PABIR2: variants seen among roughly 807,000 people sequenced by gnomAD.
PABIR2 encodes family with sequence similarity 122B.
In PABIR2, 7 loss-of-function variants were observed where a neutral mutation model predicts 22.8. That is an observed-to-expected ratio of 0.31 (90% CI 0.17 to 0.58). PABIR2 has a LOEUF of 0.58. PABIR2 is among the 20% of genes least tolerant of loss of function. The pLI, the probability that PABIR2 is intolerant of heterozygous loss-of-function variation, is 0.89. For missense variants in PABIR2, 155 were observed against 205.1 expected (o/e 0.76, Z 1.49); for synonymous variants, 67 against 73.8 (o/e 0.91, Z 0.47).
intron 5 of PABIR2, 49 bp downstream of exon 5, chrX:134,789,036 A>C: frequency 8.3e-7 from 1 of 1,204,506 alleles, no homozygotes. Context: ...AGTGAACAAC[A>C]TAAAAGTTTC....
rs760157309 is a variant in PABIR2 at position 134,771,095 on chromosome X, C to T, written c.*1044G>A. ...AACAAATCCAATGACAAAAAGGAAT[C>T]GGAAAAAAAGCAGCAACAGAAACAG... On this transcript the variant is annotated 3_prime_UTR_variant, in exon 10 of 10. Transcript: ENST00000343004. 6.5e-5 allele frequency: 21 copies of T among 322,288 alleles called. No individual in the cohort carries two copies. Among genetic ancestry groups the T allele is most frequent in the Non-Finnish European group, 1.1e-4 (20 of 189,565 alleles). 26.6% of individuals were successfully genotyped at this position (322,288 alleles called of 1,213,427 possible).
At chrX:134,772,499 C>T (rs768578539) in intron 9 of PABIR2, among the ~76,000 whole-genome samples, 9 of 111,538 alleles carry the variant, frequency 8.1e-5, no homozygotes, top group Non-Finnish European at 1.3e-4. Context: ...TGATTGTCCC[C>T]CCTAGAGGCA....
Position 134,771,159 on chromosome X carries a change from T to C in PABIR2, c.*980A>G. 1 of 495,992 alleles carries C rather than the reference T, an allele frequency of 2.0e-6. No individual in the cohort carries two copies. The highest frequency in any genetic ancestry group is 3.0e-6 in the Non-Finnish European group (1 of 337,048). 40.9% of individuals were successfully genotyped at this position (495,992 alleles called of 1,213,427 possible). On this transcript the variant is annotated 3_prime_UTR_variant, in exon 10 of 10. Transcript: ENST00000343004. ...TTCACATAAGGCCCCTCTTCCACCA[T>C]ACCTTATGATATACATCCCTTATAG...
chrX:134,790,645 T>C (rs1462140182), intron 2 of PABIR2, among the ~76,000 whole-genome samples: 3 of 112,412 alleles, frequency 2.7e-5, no homozygotes, highest in Non-Finnish European at 3.8e-5. Flanking sequence ...GTTCAAGTGA[T>C]TCCCCTGCCT....
chrX:134,788,478 C>T (rs907123124), intron 6 of PABIR2, among the ~76,000 whole-genome samples: 6 of 102,601 alleles, frequency 5.8e-5, no homozygotes, highest in Non-Finnish European at 1.2e-4. Flanking sequence ...GTTATATATA[C>T]GTTATATATG....
At chrX:134,785,336 T>C (rs759718884) in intron 8 of PABIR2, among the ~76,000 whole-genome samples, 2 of 111,819 alleles carry the variant, frequency 1.8e-5, no homozygotes, top group African/African-American at 3.2e-5. Flanking sequence ...CTTTTTCTTT[T>C]TCCCCCCAGC....
chrX:134,786,308 G>A (rs2079312236), intron 7 of PABIR2, among the ~76,000 whole-genome samples: 1 of 111,296 alleles, frequency 9.0e-6, no homozygotes, highest in Non-Finnish European at 1.9e-5. Flanking sequence ...TCTGAGGTCA[G>A]GAGTTCGAGA....
intron 2 of PABIR2, chrX:134,791,803 C>T: frequency 3.9e-6 from 1 of 259,397 alleles, no homozygotes; most frequent in African/African-American, 2.8e-5. Context: ...AGTGAGAATA[C>T]TGCTTTGAAG....
At chrX:134,775,334 C>T (rs1186377356) in intron 9 of PABIR2, among the ~76,000 whole-genome samples, 1 of 109,292 alleles carries the variant, frequency 9.1e-6, no homozygotes, top group South Asian at 3.9e-4. Flanking sequence ...ATCGAGACCA[C>T]GGCGAAACCC....
At chrX:134,793,688 C>G in intron 2 of PABIR2, 127 bp downstream of exon 2, 1 of 867,579 alleles carries the variant, frequency 1.2e-6, no homozygotes. Flanking sequence ...AAGCAGTAAA[C>G]AACATAGGTA....
At chrX:134,791,192 G>A (rs2079538435) in intron 2 of PABIR2, among the ~76,000 whole-genome samples, 1 of 110,003 alleles carries the variant, frequency 9.1e-6, no homozygotes, top group Non-Finnish European at 1.9e-5. Flanking sequence ...AGGGCAATGT[G>A]TCGGCTTAAA....
intron 7 of PABIR2, 29 bp from the exon 8 acceptor site, chrX:134,785,979 T>G (rs779332714): frequency 1.7e-6 from 2 of 1,182,158 alleles, no homozygotes; most frequent in Non-Finnish European, 2.3e-6. Flanking sequence ...CAGGATAATG[T>G]GAAGAACATC....
chrX:134,786,434 C>A (rs2079317512), intron 7 of PABIR2, among the ~76,000 whole-genome samples: 1 of 110,989 alleles, frequency 9.0e-6, no homozygotes, highest in South Asian at 3.8e-4. Context: ...AGGAGAATCA[C>A]TTGAACCCGG....
chrX:134,785,955 G>C lies in PABIR2; in HGVS notation c.498-5C>G. On this transcript the variant is annotated splice_polypyrimidine_tract_variant and splice_region_variant and intron_variant, in intron 7 of 9. Coordinates refer to ENST00000343004, the MANE Select transcript of PABIR2 (RefSeq NM_001387468.1). The stretch of plus-strand genomic sequence containing the variant: ...ACTGGACTCTGACTTCTCCTGCTTT[G>C]ATGAAAAAACAAACAGGATAATGTG... 1 of 1,208,041 alleles carries C rather than the reference G, an allele frequency of 8.3e-7. No individual in the cohort carries two copies. Among genetic ancestry groups the C allele is most frequent in the Non-Finnish European group, 1.1e-6 (1 of 892,683 alleles).
chrX:134,777,332 G>A (rs1318650618), intron 9 of PABIR2, among the ~76,000 whole-genome samples: 1 of 111,189 alleles, frequency 9.0e-6, no homozygotes, highest in East Asian at 2.8e-4. Context: ...TTCAAGACCG[G>A]CCTGGGCAAC....
chrX:134,779,365 G>A (rs1208718751), intron 9 of PABIR2, among the ~76,000 whole-genome samples: 1 of 111,502 alleles, frequency 9.0e-6, no homozygotes, highest in East Asian at 2.9e-4. Context: ...GGCGGAGGTT[G>A]CAGTGAGTCG....
rs2355301 is a variant in PABIR2 at position 134,792,689 on chromosome X, T to C, written c.177+1126A>G. 5.2e-3 allele frequency among the ~76,000 whole-genome samples: 586 copies of C among 112,555 alleles called. 3 individuals carry two copies. Among genetic ancestry groups the C allele is most frequent in the Non-Finnish European group, 8.4e-3 (447 of 53,293 alleles). On this transcript the variant is annotated intron_variant, in intron 2 of 9. Coordinates refer to ENST00000343004, the MANE Select transcript of PABIR2 (RefSeq NM_001387468.1). ...TACTAATTGTGCGATTCTGAGCAAG[T>C]GACTTCTAACGTCTTGAGTTTTAGC...
chrX:134,794,000 A>G, intron 1 of PABIR2, 107 bp from the exon 2 acceptor site: 1 of 1,118,873 alleles, frequency 8.9e-7, no homozygotes, highest in Non-Finnish European at 1.2e-6. Context: ...TAACAACGAA[A>G]TCTTCCATGG....
At chrX:134,791,724 A>G in intron 2 of PABIR2, 1 of 324,550 alleles carries the variant, frequency 3.1e-6, no homozygotes, top group South Asian at 2.7e-5. Flanking sequence ...TCTTCTTTGT[A>G]AAGTAAGAAG....
Sources: allele counts gnomAD v4.1 joint callset (sites outside exome capture counted in the v4.1 genomes callset), GRCh38; gene constraint gnomAD v4.1.1; transcripts MANE v1.5; gene names NCBI Gene and HGNC (gene_info 2026-07-23, HGNC 2026-07-21).